Variants in ENPEP observed in about 807,000 individuals in gnomAD.
ENPEP encodes glutamyl aminopeptidase, also known as AP-A.
A neutral mutation model predicts 114.5 loss-of-function variants in ENPEP; 103 were observed. The observed-to-expected ratio is 0.90, with a 90% confidence interval of 0.77 to 1.06. ENPEP has a LOEUF of 1.06. ENPEP is among the 50% of genes least tolerant of loss of function. ENPEP has a pLI of 0.00. For missense variants in ENPEP, 1,196 were observed against 1,161.3 expected, an observed-to-expected ratio of 1.03 and a Z score of -0.43; for synonymous variants, 420 against 422.0, an observed-to-expected ratio of 1.00 and a Z score of 0.06.
chr4:110,549,722 C>G lies in ENPEP; in HGVS notation c.2337C>G (p.Pro779=). 6.2e-7 allele frequency: 1 copy of G among 1,612,692 alleles called. No individual in the cohort carries two copies. The highest frequency in any genetic ancestry group is 8.5e-7 in the Non-Finnish European group (1 of 1,179,346). Residue 779 remains proline, a synonymous_variant, in exon 17 of 20, where the codon CCC becomes CCG. Transcript: ENST00000265162. ...ACACTGTTTCTTCTTCTAGCCTTCCCGTAAATCTCAGGCTTCTGGTGTATC... is the reference window on the plus strand; with the variant it reads ...ACACTGTTTCTTCTTCTAGCCTTCCGGTAAATCTCAGGCTTCTGGTGTATC... ...EQWLNGTVSL[P]VNLRLLVYRY...
At chr4:110,537,166 G>A (rs1219538768) in intron 11 of ENPEP, among the ~76,000 whole-genome samples, 3 of 152,146 alleles carry the variant, frequency 2.0e-5, no homozygotes, top group Non-Finnish European at 2.9e-5. Context: ...TTGGGTGGCT[G>A]TGGCAATTTC....
At chr4:110,504,871 C>T (rs552785020) in intron 3 of ENPEP, among the ~76,000 whole-genome samples, 24 of 152,334 alleles carry the variant, frequency 1.6e-4, no homozygotes, top group East Asian at 1.4e-3. Context: ...GCTCCACCTA[C>T]GGTGGGAGAC....
In ENPEP at chr4:110,476,485, C is replaced by G. The variant is rs770659499; in HGVS notation, c.71C>G (p.Ala24Gly). Reference protein sequence around the residue: ...IQTKHVAILCAVVVGVGLIVG... With the variant: ...IQTKHVAILCGVVVGVGLIVG... ...ACGAAACATGTGGCCATTCTCTGTG[C>G]GGTGGTGGTGGGTGTAGGATTAATA... Residue 24 changes from alanine to glycine, a missense_variant, in exon 1 of 20, where the codon GCG becomes GGG. By Grantham distance (60) the Ala-to-Gly change is moderately conservative. Coordinates refer to ENST00000265162, the MANE Select transcript of ENPEP (RefSeq NM_001977.4). 1.3e-6 allele frequency: 2 copies of G among 1,575,298 alleles called. No individual in the cohort carries two copies. The highest frequency in any genetic ancestry group is 1.7e-6 in the Non-Finnish European group (2 of 1,157,284).
In ENPEP at chr4:110,562,797, T is replaced by C. The variant is rs1046266451; in HGVS notation, c.*1239T>C. 6.6e-6 allele frequency: 1 copy of C among 152,172 alleles called. No individual in the cohort carries two copies. The highest frequency in any genetic ancestry group is 1.5e-5 in the Non-Finnish European group (1 of 67,996). The allele number at this position is 152,172 out of a possible 1,614,324, so 9.4% of individuals were successfully genotyped here. On this transcript the variant is annotated 3_prime_UTR_variant, in exon 20 of 20. Coordinates refer to ENST00000265162, the MANE Select transcript of ENPEP (RefSeq NM_001977.4). ...GATGGTAAGTTACTATGTTTCAATC[T>C]GCTATATCTAGAAAATCTAAATTTA...
At chr4:110,492,639 A>G (rs1236985778) in intron 3 of ENPEP, among the ~76,000 whole-genome samples, 1 of 152,220 alleles carries the variant, frequency 6.6e-6, no homozygotes, top group Non-Finnish European at 1.5e-5. Flanking sequence ...TGCAACCTTC[A>G]GTCGTGGTAA....
intron 11 of ENPEP, among the ~76,000 whole-genome samples, chr4:110,538,962 G>A (rs1726747749): frequency 6.6e-6 from 1 of 152,064 alleles, no homozygotes; most frequent in African/African-American, 2.4e-5. Flanking sequence ...AACACTTACC[G>A]ATTAAGTTCT....
chr4:110,510,537 C>G (rs1046571174), intron 6 of ENPEP, among the ~76,000 whole-genome samples, 179 bp downstream of exon 6: 1 of 151,558 alleles, frequency 6.6e-6, no homozygotes, highest in African/African-American at 2.4e-5. Context: ...GCCCCAGTAC[C>G]TAGAAGGGCA....
Position 110,563,528 on chromosome 4 carries a change from A to G in ENPEP, c.*1970A>G, listed in dbSNP as rs1433374172. On this transcript the variant is annotated 3_prime_UTR_variant, in exon 20 of 20. Coordinates refer to ENST00000265162, the MANE Select transcript of ENPEP (RefSeq NM_001977.4). ...CTGTTTTTTAAAAGGCTGATGCCTA[A>G]TAGATAGATCTATGCCAAGCACAGT... 1 of 152,174 alleles carries G rather than the reference A, an allele frequency of 6.6e-6. No homozygotes were observed. Among genetic ancestry groups the G allele is most frequent in the Non-Finnish European group, 1.5e-5 (1 of 68,008 alleles). 9.4% of individuals were successfully genotyped at this position (152,174 alleles called of 1,614,324 possible).
intron 1 of ENPEP, among the ~76,000 whole-genome samples, chr4:110,482,198 A>T (rs760668754): frequency 6.6e-6 from 1 of 152,214 alleles, no homozygotes; most frequent in Non-Finnish European, 1.5e-5. Flanking sequence ...GAAGATAAGG[A>T]TCAGATAGGA....
At chr4:110,547,626 T>C (rs900361928) in intron 13 of ENPEP, among the ~76,000 whole-genome samples, 6 of 152,214 alleles carry the variant, frequency 3.9e-5, no homozygotes, top group African/African-American at 1.4e-4. Flanking sequence ...TCAAATTTTC[T>C]AGAAGAGAAA....
intron 11 of ENPEP, among the ~76,000 whole-genome samples, chr4:110,537,176 C>T (rs1385875547): frequency 6.6e-6 from 1 of 152,136 alleles, no homozygotes; most frequent in East Asian, 1.9e-4. Context: ...GTGGCAATTT[C>T]TTAAAATAAG....
At chr4:110,481,059 T>C (rs1724295753) in intron 1 of ENPEP, among the ~76,000 whole-genome samples, 1 of 152,232 alleles carries the variant, frequency 6.6e-6, no homozygotes, top group Non-Finnish European at 1.5e-5. Context: ...TGGCTTTTCC[T>C]TGTCAGCATT....
rs1407951191 is a variant in ENPEP at position 110,549,384 on chromosome 4, T to C, written c.2190T>C (p.Ser730=). 6.2e-7 allele frequency: 1 copy of C among 1,613,168 alleles called. No homozygotes were observed. Among genetic ancestry groups the C allele is most frequent in the East Asian group, 2.2e-5 (1 of 44,866 alleles). ...FQGQVKPIAD[S]LGWNDAGDHV... ...GTCAAGTGAAGCCTATTGCAGATTC[T>C]CTGGGATGGAATGATGCTGGAGACC... is the stretch of plus-strand genomic sequence containing the variant. The change falls in exon 15 of 20, where the codon TCT becomes TCC. Residue 730 remains serine, a synonymous_variant. Coordinates refer to ENST00000265162, the MANE Select transcript of ENPEP (RefSeq NM_001977.4).
chr4:110,516,556 C>T (rs1422758603), intron 8 of ENPEP, among the ~76,000 whole-genome samples: 2 of 152,006 alleles, frequency 1.3e-5, no homozygotes, highest in African/African-American at 4.8e-5. Context: ...GAGAAATGCC[C>T]CCTGCTGGCT....
intron 2 of ENPEP, among the ~76,000 whole-genome samples, chr4:110,489,129 T>TG: frequency 6.6e-6 from 1 of 151,584 alleles, no homozygotes; most frequent in Non-Finnish European, 1.5e-5. Context: ...ACTTAAATAG[T>TG]GGGTTGTGGA....
intron 3 of ENPEP, among the ~76,000 whole-genome samples, chr4:110,505,944 G>C (rs1725355133): frequency 6.6e-6 from 1 of 152,060 alleles, no homozygotes; most frequent in Non-Finnish European, 1.5e-5. Flanking sequence ...ATCTGTACTT[G>C]GTTTGATTTA....
chr4:110,533,420 CA>C (rs33956210), intron 11 of ENPEP: 22,978 of 121,258 alleles, frequency 0.19, 1,827 homozygotes, highest in Middle Eastern at 0.32. Context: ...AGTGCTGGAG[CA>C]AAAAAAAAAA....
At chr4:110,522,710 C>T (rs987671655) in intron 10 of ENPEP, among the ~76,000 whole-genome samples, 8 of 152,234 alleles carry the variant, frequency 5.3e-5, no homozygotes, top group South Asian at 2.1e-4. Flanking sequence ...ATGCAAGAAG[C>T]GAATGAGGCA....
intron 1 of ENPEP, among the ~76,000 whole-genome samples, chr4:110,483,795 C>T (rs538289060): frequency 2.0e-4 from 30 of 152,278 alleles, no homozygotes; most frequent in African/African-American, 7.0e-4. Flanking sequence ...TCTTAATTTG[C>T]AAGACAAGTC....
Sources: gnomAD v4.1 joint callset for allele counts (sites outside exome capture counted in the v4.1 genomes callset) on GRCh38, gnomAD v4.1.1 for gene constraint, MANE v1.5 for transcripts, NCBI Gene and HGNC (gene_info 2026-07-23, HGNC 2026-07-21) for gene names.